Variants in PIWIL3 observed in about 807,000 individuals in gnomAD.
PIWIL3 encodes piwi-like protein 3.
A neutral mutation model predicts 109.7 loss-of-function variants in PIWIL3; 101 were observed. The observed-to-expected ratio is 0.92, with a 90% CI of 0.78 to 1.09. PIWIL3 has a LOEUF of 1.09. PIWIL3 is among the 50% of genes least tolerant of loss of function. PIWIL3 has a pLI of 0.00. For missense variants in PIWIL3, 1,031 were observed against 1,072.6 expected (o/e 0.96, Z 0.54); for synonymous variants, 373 against 376.4 (o/e 0.99, Z 0.10).
In PIWIL3 at chr22:24,719,607, ATACAC is replaced by A; in HGVS notation, c.2506-24_2506-20del. ...TGATGCCCTTTAGTAGGAAAAGAAA[ATACAC>A]AACTAAATTTTTTTCACTTTACATC... On this transcript the variant is annotated intron_variant, in intron 20 of 20. Transcript: ENST00000616349. 2 of 1,562,890 alleles carry A rather than the reference ATACAC, an allele frequency of 1.3e-6. No homozygotes were observed. Among genetic ancestry groups the A allele is most frequent in the Non-Finnish European group, 1.7e-6 (2 of 1,156,482 alleles).
At chr22:24,724,165 C>T (rs1922848400) in intron 18 of PIWIL3, among the ~76,000 whole-genome samples, 1 of 152,148 alleles carries the variant, frequency 6.6e-6, no homozygotes, top group South Asian at 2.1e-4. Flanking sequence ...CGGCGCTCCC[C>T]CACCCATCCA....
chr22:24,760,825 G>A (rs58272749), intron 2 of PIWIL3, among the ~76,000 whole-genome samples: 5 of 141,250 alleles, frequency 3.5e-5, no homozygotes, highest in African/African-American at 5.2e-5. Context: ...ATACCAGGCA[G>A]AGGAACGACA....
At position 24,762,523 on chromosome 22, in the gene PIWIL3, T is replaced by G; in HGVS notation, c.-22-2A>C. On this transcript the variant is annotated splice_acceptor_variant, in intron 1 of 20. Coordinates refer to ENST00000616349, the MANE Select transcript of PIWIL3 (RefSeq NM_001255975.1). LOFTEE classifies it low-confidence loss of function (5UTR_SPLICE). ...ATTGTGGTCCTGAAGGTGATGACCCTGAAGAATACAGTTATATTAGACATC... is the reference window on the plus strand; with the variant it reads ...ATTGTGGTCCTGAAGGTGATGACCCGGAAGAATACAGTTATATTAGACATC... The G allele has an allele frequency of 2.5e-6, 4 of 1,601,336 alleles. No homozygotes were observed. The South Asian group carries it at 4.5e-5, about 18-fold the overall frequency.
intron 4 of PIWIL3, 86 bp downstream of exon 4, chr22:24,757,822 A>G: frequency 6.9e-7 from 1 of 1,445,342 alleles, no homozygotes. Flanking sequence ...TGGGCGACAG[A>G]GCAGGACCTT....
At chr22:24,758,631 G>T (rs989513147) in intron 3 of PIWIL3, among the ~76,000 whole-genome samples, 1 of 152,134 alleles carries the variant, frequency 6.6e-6, no homozygotes, top group Non-Finnish European at 1.5e-5. Context: ...CACCTAAATG[G>T]CCAAGACGTC....
chr22:24,749,479 T>G lies in PIWIL3; in HGVS notation c.1259A>C (p.Glu420Ala), dbSNP rs1924573230. 6.2e-7 allele frequency: 1 copy of G among 1,613,640 alleles called. No homozygotes were observed. Among genetic ancestry groups the G allele is most frequent in the African/African-American group, 1.3e-5 (1 of 74,914 alleles). The change falls in exon 11 of 21, where the codon GAA becomes GCA. Residue 420 changes from glutamate to alanine, a missense_variant. Transcript: ENST00000616349. ...EICKDYSIVK[E>A]LAKHTRLSPR... ...ACTCAATCTTGTATGTTTAGCCAAT[T>G]CTTTCACAATGCTATAATCTTTACA...
At chr22:24,739,180 G>A (rs1923833782) in intron 12 of PIWIL3, among the ~76,000 whole-genome samples, 1 of 151,876 alleles carries the variant, frequency 6.6e-6, no homozygotes, top group Admixed American at 6.6e-5. Flanking sequence ...GGAGACAAAA[G>A]AAAACACAGA....
At chr22:24,729,317 C>T (rs1325408165) in intron 14 of PIWIL3, among the ~76,000 whole-genome samples, 1 of 152,114 alleles carries the variant, frequency 6.6e-6, no homozygotes, top group Non-Finnish European at 1.5e-5. Context: ...TTTTCTTGGC[C>T]ATGAAACAGA....
Position 24,728,326 on chromosome 22 carries a change from T to C in PIWIL3, c.1756A>G (p.Lys586Glu), listed in dbSNP as rs1177608645. 2 of 1,614,098 alleles carry C rather than the reference T, an allele frequency of 1.2e-6. No homozygotes were observed. Among genetic ancestry groups the C allele is most frequent in the Non-Finnish European group, 8.5e-7 (1 of 1,180,046 alleles). ...GGGCATTTGGTACATAGGTATCTTT[T>C]TATGCTGTCATATCTACGTTTGTCA... ...NDDKRRYDSIKRYLCTKCPIP... is the reference protein window; with the variant it reads ...NDDKRRYDSIERYLCTKCPIP... The change falls in exon 15 of 21, where the codon AAA becomes GAA. Residue 586 changes from lysine (K) to glutamate (E), a missense_variant. Lys to Glu is a moderately conservative substitution (Grantham distance 56). Coordinates refer to ENST00000616349, the MANE Select transcript of PIWIL3 (RefSeq NM_001255975.1).
intron 12 of PIWIL3, among the ~76,000 whole-genome samples, chr22:24,739,850 A>T (rs1235872927): frequency 6.6e-6 from 1 of 152,078 alleles, no homozygotes; most frequent in East Asian, 1.9e-4. Context: ...GGAGATCGAG[A>T]CCATCCTGGC....
chr22:24,760,695 G>A (rs1231053548), intron 2 of PIWIL3, among the ~76,000 whole-genome samples: 2 of 148,316 alleles, frequency 1.3e-5, no homozygotes, highest in Admixed American at 6.8e-5. Context: ...CAGGAGAATC[G>A]CTTGAACCCA....
intron 1 of PIWIL3, among the ~76,000 whole-genome samples, chr22:24,770,891 G>A (rs1926099137): frequency 6.6e-6 from 1 of 151,588 alleles, no homozygotes; most frequent in African/African-American, 2.4e-5. Flanking sequence ...AACCAAGCAT[G>A]AAGACCCAGC....
intron 12 of PIWIL3, among the ~76,000 whole-genome samples, chr22:24,746,356 T>A (rs996497634): frequency 1.3e-5 from 2 of 152,136 alleles, no homozygotes; most frequent in East Asian, 3.8e-4. Flanking sequence ...GCAGCATTTA[T>A]TAAAATTCAA....
intron 18 of PIWIL3, among the ~76,000 whole-genome samples, chr22:24,724,401 A>G (rs1922863082): frequency 6.6e-6 from 1 of 151,344 alleles, no homozygotes; most frequent in African/African-American, 2.4e-5. Context: ...AGCTGGGACT[A>G]TAGGCACACA....
chr22:24,764,097 G>A (rs567471131), intron 1 of PIWIL3, among the ~76,000 whole-genome samples: 2 of 152,292 alleles, frequency 1.3e-5, no homozygotes, highest in South Asian at 4.1e-4. Flanking sequence ...CCAGCCTCCC[G>A]CAAGACGTGC....
chr22:24,762,655 G>A, intron 1 of PIWIL3, 134 bp from the exon 2 acceptor site: 1 of 755,356 alleles, frequency 1.3e-6, no homozygotes, highest in South Asian at 2.2e-5. Context: ...TCATTCTGAT[G>A]GCTGGAAAGT....
Position 24,734,111 on chromosome 22 carries a change from C to T in PIWIL3, c.1680G>A (p.Arg560=). The change falls in exon 14 of 21, where the codon CGG becomes CGA. Residue 560 remains arginine (R), a synonymous_variant. Coordinates refer to ENST00000616349, the MANE Select transcript of PIWIL3 (RefSeq NM_001255975.1). The part of the protein sequence containing the change: ...GDANSYIDTL[R]KYTRPTLQMV... ...TCTGCAGTGTTGGTCTAGTATATTT[C>T]CGTAATGTGTCTATATAGGAGTTAG... 6.2e-7 allele frequency: 1 copy of T among 1,612,668 alleles called. No homozygotes were observed. The highest frequency in any genetic ancestry group is 8.5e-7 in the Non-Finnish European group (1 of 1,179,578).
intron 9 of PIWIL3, among the ~76,000 whole-genome samples, chr22:24,750,663 T>G (rs1056315691): frequency 6.6e-6 from 1 of 150,618 alleles, no homozygotes; most frequent in African/African-American, 2.4e-5. Context: ...TAATTTTGTA[T>G]TTTTAGTAGA....
rs763785043 is a variant in PIWIL3, at chr22:24,749,806, ATTTC to A, written c.1099_1102del (p.Glu367LeufsTer4). ...AAGTGGCTGTTTCTTCACTGTGACAATTTCTTTATGTTGCTGCTCAACAAACAAG... is the reference window on the plus strand; with the variant it reads ...AAGTGGCTGTTTCTTCACTGTGACAATTTATGTTGCTGCTCAACAAACAAG... On this transcript the variant is annotated frameshift_variant, in exon 10 of 21. Coordinates refer to ENST00000616349, the MANE Select transcript of PIWIL3 (RefSeq NM_001255975.1). LOFTEE classifies it high-confidence loss of function. The A allele has an allele frequency of 5.0e-6, 8 of 1,613,790 alleles. No individual in the cohort carries two copies. In the South Asian group the frequency reaches 5.5e-5, roughly 11 times the overall value.
Sources: gnomAD v4.1 joint callset for allele counts (sites outside exome capture counted in the v4.1 genomes callset) on GRCh38, gnomAD v4.1.1 for gene constraint, MANE v1.5 for transcripts, NCBI Gene and HGNC (gene_info 2026-07-23, HGNC 2026-07-21) for gene names.